PCDHA2: variants seen among roughly 807,000 people sequenced by gnomAD.
PCDHA2 encodes the protein protocadherin alpha-2.
A neutral mutation model predicts 66.0 loss-of-function variants in PCDHA2; 58 were observed. That is an observed-to-expected ratio of 0.88 (90% CI 0.71 to 1.09). The LOEUF is 1.09. Among genes scored for constraint, PCDHA2 ranks in the 50% least tolerant of loss-of-function variants. PCDHA2 has a pLI of 0.00. For synonymous variants in PCDHA2, 634 were observed against 554.0 expected (o/e 1.14, Z -2.03); for missense variants, 1,267 against 1,242.3 (o/e 1.02, Z -0.30).
At chr5:140,858,713 G>A (rs1554151978) in intron 1 of PCDHA2, 3 of 521,676 alleles carry the variant, frequency 5.8e-6, no homozygotes, top group African/African-American at 3.9e-5. Context: ...TGTGATATAG[G>A]TTGCAGTTCT....
chr5:140,857,802 T>G (rs251364), intron 1 of PCDHA2: 998,681 of 1,596,370 alleles, frequency 0.63, 345,026 homozygotes, highest in African/African-American at 0.69. Context: ...CGGTCGGTGG[T>G]TGCGGGTCAC....
Position 140,842,210 on chromosome 5 carries a change from C to T in PCDHA2, c.2388+44858C>T, listed in dbSNP as rs2150331831. ...GGTTATTGACCACTTTAGCATAGAT[C>T]GAAATACGGGAGAAATAGTGATTCG... is the stretch of plus-strand genomic sequence containing the variant. On this transcript the variant is annotated intron_variant, in intron 1 of 3. Transcript: ENST00000526136. 73 of 1,613,414 alleles carry T rather than the reference C, an allele frequency of 4.5e-5. 2 individuals are homozygous for T. The South Asian group carries it at 7.8e-4, about 17-fold the overall frequency.
chr5:140,909,462 C>T (rs2074519059), intron 1 of PCDHA2, among the ~76,000 whole-genome samples: 1 of 152,212 alleles, frequency 6.6e-6, no homozygotes, highest in Non-Finnish European at 1.5e-5. Flanking sequence ...ATCCATCTGT[C>T]TTCTTCACAG....
In PCDHA2 at chr5:140,837,849, AT is replaced by A. The variant is rs2150280154; in HGVS notation, c.2388+40501del. On this transcript the variant is annotated intron_variant, in intron 1 of 3. Coordinates refer to ENST00000526136, the MANE Select transcript of PCDHA2 (RefSeq NM_018905.3). The stretch of plus-strand genomic sequence containing the variant: ...CATGTCATTGTGCCTGGCTAATTTT[AT>A]TTTATTTTTGTAGAGACAGGGTGGA... Among the ~76,000 whole-genome samples the A allele has an allele frequency of 1.1e-3, 172 of 150,974 alleles. 2 individuals are homozygous for A. Among genetic ancestry groups the A allele is most frequent in the African/African-American group, 4.1e-3 (169 of 41,040 alleles).
At position 140,838,077 on chromosome 5, in the gene PCDHA2, A is replaced by AGTGT. The variant is rs57130401; in HGVS notation, c.2388+40776_2388+40779dup. On this transcript the variant is annotated intron_variant, in intron 1 of 3. Transcript: ENST00000526136. ...TTTCCACTTTAAGTTATATATATAT[A>AGTGT]GTGTGTGTGTGTGTGTGTGTGTGTG... is the stretch of plus-strand genomic sequence containing the variant. Among the ~76,000 whole-genome samples, 532 of 80,648 alleles carry AGTGT rather than the reference A, an allele frequency of 6.6e-3. 5 individuals are homozygous for AGTGT. Among genetic ancestry groups the AGTGT allele is most frequent in the South Asian group, 0.011 (25 of 2,340 alleles). The allele number at this position is 80,648 out of a possible 152,430, so 52.9% of individuals were successfully genotyped here.
chr5:140,880,327 T>C (rs2058305796), intron 1 of PCDHA2, among the ~76,000 whole-genome samples: 1 of 152,118 alleles, frequency 6.6e-6, no homozygotes, highest in African/African-American at 2.4e-5. Context: ...AATAAGATAC[T>C]AAAAATAAGA....
intron 1 of PCDHA2, chr5:140,802,225 T>C: frequency 6.2e-7 from 1 of 1,614,220 alleles, no homozygotes; most frequent in South Asian, 1.1e-5. Context: ...ATTGTGGACA[T>C]CAATGATAAT....
At chr5:140,824,994 A>G (rs979959143) in intron 1 of PCDHA2, 3 of 152,118 alleles carry the variant, frequency 2.0e-5, no homozygotes, top group Admixed American at 2.0e-4. Context: ...AAACACATAT[A>G]CATGGTTTAC....
At chr5:140,829,466 G>C (rs2150168443) in intron 1 of PCDHA2, 1 of 1,613,882 alleles carries the variant, frequency 6.2e-7, no homozygotes, top group East Asian at 2.2e-5. Context: ...CGCGCAGCCC[G>C]AGTACACAGT....
At chr5:140,833,837 T>C (rs1469438718) in intron 1 of PCDHA2, among the ~76,000 whole-genome samples, 1 of 152,176 alleles carries the variant, frequency 6.6e-6, no homozygotes, top group African/African-American at 2.4e-5. Context: ...GAGTACAGGA[T>C]TTTTCTTAAC....
chr5:140,876,181 G>T, intron 1 of PCDHA2: 1 of 1,613,982 alleles, frequency 6.2e-7, no homozygotes, highest in South Asian at 1.1e-5. Context: ...GGATGTGAAT[G>T]ACAATGGTCC....
chr5:140,985,955 G>A (rs1284756138), intron 3 of PCDHA2, among the ~76,000 whole-genome samples: 1 of 151,674 alleles, frequency 6.6e-6, no homozygotes, highest in Non-Finnish European at 1.5e-5. Flanking sequence ...TAGCCAGGAT[G>A]GTCTCAATCT....
chr5:140,986,220 T>C (rs2097190951), intron 3 of PCDHA2, among the ~76,000 whole-genome samples: 1 of 152,194 alleles, frequency 6.6e-6, no homozygotes, highest in African/African-American at 2.4e-5. Flanking sequence ...CCCCTTTCTC[T>C]AGCCTCCCCT....
chr5:140,930,917 G>A (rs528997377), intron 1 of PCDHA2, among the ~76,000 whole-genome samples: 3 of 152,272 alleles, frequency 2.0e-5, no homozygotes, highest in African/African-American at 7.2e-5. Context: ...TACTTTAGAT[G>A]TGTATATGTG....
At position 140,822,568 on chromosome 5, in the gene PCDHA2, G is replaced by A. The variant is rs2150117347; in HGVS notation, c.2388+25216G>A. ...TGGGACATTAGTTATTAAACTGAAC[G>A]CCTCAGATGCAGATGAGGGCATCAA... On this transcript the variant is annotated intron_variant, in intron 1 of 3. Coordinates refer to ENST00000526136, the MANE Select transcript of PCDHA2 (RefSeq NM_018905.3). The A allele has an allele frequency of 1.2e-6, 2 of 1,612,652 alleles. No individual in the cohort carries two copies.
intron 1 of PCDHA2, among the ~76,000 whole-genome samples, chr5:140,875,040 T>C (rs1369679625): frequency 2.0e-5 from 3 of 152,340 alleles, no homozygotes; most frequent in Admixed American, 2.0e-4. Flanking sequence ...ATTTGAAAGA[T>C]TTCTACTTTG....
chr5:140,882,735 G>C, intron 1 of PCDHA2: 1 of 1,614,216 alleles, frequency 6.2e-7, no homozygotes, highest in Non-Finnish European at 8.5e-7. Flanking sequence ...CCACTAGATG[G>C]CGCATCCGAT....
intron 1 of PCDHA2, chr5:140,812,147 T>TTTGTTGTTGTTGTTGTTGTTG (rs2126635624): frequency 1.4e-4 from 21 of 150,790 alleles, no homozygotes; most frequent in East Asian, 3.9e-4. Flanking sequence ...GTTTTGGGCT[T>TTTGTTGTTGTTGTTGTTGTTG]TTGTTGTTGT....
intron 1 of PCDHA2, chr5:140,855,778 TAA>T: frequency 2.5e-6 from 1 of 407,854 alleles, no homozygotes; most frequent in Non-Finnish European, 4.4e-6. Context: ...TAAAAATACG[TAA>T]AAAAAGAATT....
Sources: gnomAD v4.1 joint callset for allele counts (sites outside exome capture counted in the v4.1 genomes callset) on GRCh38, gnomAD v4.1.1 for gene constraint, MANE v1.5 for transcripts, NCBI Gene and HGNC (gene_info 2026-07-23, HGNC 2026-07-21) for gene names.